Variants in EPYC observed in about 807,000 individuals in gnomAD.
EPYC encodes the protein epiphycan.
A neutral mutation model predicts 30.1 loss-of-function variants in EPYC; 28 were observed. That is an observed-to-expected ratio of 0.93 (90% CI 0.69 to 1.28). EPYC has a LOEUF of 1.28. Ranked by LOEUF, EPYC falls within the 50% of genes most tolerant of loss-of-function variation. The probability of loss-of-function intolerance (pLI) is 0.00; values close to 1 mark genes in which losing one functional copy is unlikely to be tolerated. For missense variants in EPYC, 382 were observed against 383.5 expected, an observed-to-expected ratio of 1.00 and a Z score of 0.03; for synonymous variants, 144 against 141.4, an observed-to-expected ratio of 1.02 and a Z score of -0.13.
chr12:90,978,021 T>C lies in EPYC; in HGVS notation c.340+67A>G, dbSNP rs937261090. On this transcript the variant is annotated intron_variant, in intron 3 of 6. Coordinates refer to ENST00000261172, the MANE Select transcript of EPYC (RefSeq NM_004950.5). The stretch of plus-strand genomic sequence containing the variant: ...CATGTCATGTGGTTTCCCTGTAGAG[T>C]TGAAGCTGTGCAGTTTTGAGGATGA... 12 of 1,408,770 alleles carry C rather than the reference T, an allele frequency of 8.5e-6. No individual in the cohort carries two copies. The Admixed American group carries it at 1.1e-4, about 13-fold the overall frequency. 87.3% of individuals were successfully genotyped at this position (1,408,770 alleles called of 1,614,324 possible).
intron 2 of EPYC, among the ~76,000 whole-genome samples, chr12:90,988,825 T>G (rs1398653223): frequency 1.3e-5 from 2 of 152,108 alleles, no homozygotes; most frequent in African/African-American, 2.4e-5. Flanking sequence ...CCAAGTTTCT[T>G]TCTTGCTAGG....
chr12:90,966,181 A>G (rs549940161), intron 6 of EPYC, among the ~76,000 whole-genome samples: 1 of 152,172 alleles, frequency 6.6e-6, no homozygotes, highest in South Asian at 2.1e-4. Context: ...AATACTGAAT[A>G]GAAGTGGTGA....
At chr12:90,982,282 C>A (rs1313828089) in intron 2 of EPYC, among the ~76,000 whole-genome samples, 1 of 151,334 alleles carries the variant, frequency 6.6e-6, no homozygotes, top group African/African-American at 2.4e-5. Flanking sequence ...CTTTTAAAAA[C>A]AGCTTTATGG....
intron 2 of EPYC, among the ~76,000 whole-genome samples, chr12:90,986,509 G>A (rs1877451286): frequency 6.6e-6 from 1 of 152,124 alleles, no homozygotes; most frequent in Non-Finnish European, 1.5e-5. Flanking sequence ...ACCAGAGGAA[G>A]CAGAATGGTA....
rs781447797 is a variant in EPYC, at chr12:90,972,827, C to T, written c.494G>A (p.Ser165Asn). 9.9e-6 allele frequency: 16 copies of T among 1,613,194 alleles called. No homozygotes were observed. In the South Asian group the frequency reaches 1.8e-4, roughly 18 times the overall value. Residue 165 changes from serine to asparagine, a missense_variant, in exon 4 of 7, where the codon AGC (serine) becomes AAC (asparagine). Ser to Asn is a conservative substitution (Grantham distance 46, BLOSUM62 1). Transcript: ENST00000261172. Reference protein sequence around the residue: ...IKKINKNDFASLSDLKRIDLT... With the variant: ...IKKINKNDFANLSDLKRIDLT... ...GTTAATGCTGTCATCCATACTTAGGCTTGCAAAGTCATTTTTGTTGATCTT... is the reference window on the plus strand; with the variant it reads ...GTTAATGCTGTCATCCATACTTAGGTTTGCAAAGTCATTTTTGTTGATCTT...
intron 3 of EPYC, among the ~76,000 whole-genome samples, chr12:90,976,259 A>G (rs1463151668): frequency 1.3e-5 from 2 of 152,120 alleles, no homozygotes; most frequent in Non-Finnish European, 2.9e-5. Context: ...ATATCATACT[A>G]TTCATAGTTA....
intron 2 of EPYC, among the ~76,000 whole-genome samples, chr12:90,979,798 T>C (rs573040828): frequency 3.3e-5 from 5 of 152,266 alleles, no homozygotes; most frequent in South Asian, 4.1e-4. Flanking sequence ...CAAGTACTTA[T>C]TGAAGTATAA....
chr12:90,986,433 C>T (rs1441870839), intron 2 of EPYC, among the ~76,000 whole-genome samples: 1 of 152,114 alleles, frequency 6.6e-6, no homozygotes, highest in African/African-American at 2.4e-5. Flanking sequence ...ATCTTAGACT[C>T]ATCAATGAAA....
intron 2 of EPYC, among the ~76,000 whole-genome samples, chr12:90,978,506 C>A (rs1239315050): frequency 6.8e-6 from 1 of 147,188 alleles, no homozygotes; most frequent in Non-Finnish European, 1.5e-5. Flanking sequence ...TTTTGGTCTT[C>A]TTGTTCTTTA....
At chr12:91,001,721 A>G (rs983140092) in intron 2 of EPYC, among the ~76,000 whole-genome samples, 6 of 151,992 alleles carry the variant, frequency 3.9e-5, no homozygotes, top group Admixed American at 2.6e-4. Context: ...GTTTATTTCA[A>G]TCTCACATCT....
chr12:90,966,600 T>G (rs1468527130), intron 6 of EPYC, among the ~76,000 whole-genome samples: 2 of 152,140 alleles, frequency 1.3e-5, no homozygotes, highest in Admixed American at 1.3e-4. Flanking sequence ...TTTCATTTTC[T>G]GGTGATATAT....
rs116702998 is a variant in EPYC at position 90,980,946 on chromosome 12, T to A, written c.166-2684A>T. On this transcript the variant is annotated intron_variant, in intron 2 of 6. Transcript: ENST00000261172. ...TTGATTTCAGTCAAAGTCACTGCAC[T>A]TGTGTGTCTTCTTAACATCGTACCA... is the stretch of plus-strand genomic sequence containing the variant. Among the ~76,000 whole-genome samples, 455 of 152,276 alleles carry A rather than the reference T, an allele frequency of 3.0e-3. 4 individuals are homozygous for A. Among genetic ancestry groups the A allele is most frequent in the African/African-American group, 0.011 (439 of 41,578 alleles).
intron 6 of EPYC, among the ~76,000 whole-genome samples, chr12:90,966,017 A>G (rs545887059): frequency 6.6e-6 from 1 of 152,182 alleles, no homozygotes; most frequent in Admixed American, 6.5e-5. Context: ...TATTAGTTCA[A>G]CTAGTTTTTA....
Position 90,978,266 on chromosome 12 carries a change from A to T in EPYC, c.166-4T>A. 6 of 48,868 alleles carry T rather than the reference A, an allele frequency of 1.2e-4. No individual in the cohort carries two copies. Among genetic ancestry groups the T allele is most frequent in the Non-Finnish European group, 1.6e-4 (6 of 36,838 alleles). The allele number at this position is 48,868 out of a possible 1,614,324, so 3.0% of individuals were successfully genotyped here. On this transcript the variant is annotated splice_region_variant and splice_polypyrimidine_tract_variant and intron_variant, in intron 2 of 6. Transcript: ENST00000261172. ...GCATCACTGTGGCTATTTCAATCTGAAAAAAAAAAAAAAAAGAGAATTTCT... is the reference window on the plus strand; with the variant it reads ...GCATCACTGTGGCTATTTCAATCTGTAAAAAAAAAAAAAAAGAGAATTTCT...
At chr12:90,969,795 G>A (rs533549292) in intron 6 of EPYC, among the ~76,000 whole-genome samples, 22 of 152,080 alleles carry the variant, frequency 1.4e-4, no homozygotes, top group Non-Finnish European at 2.8e-4. Flanking sequence ...CCAAAAGGAT[G>A]CATTTTGCCT....
intron 6 of EPYC, among the ~76,000 whole-genome samples, chr12:90,969,310 T>C (rs1228784694): frequency 6.6e-6 from 1 of 151,960 alleles, no homozygotes; most frequent in African/African-American, 2.4e-5. Flanking sequence ...GATTAGAGAA[T>C]GTTGATTATA....
rs760683969 is a variant in EPYC at position 90,970,190 on chromosome 12, A to G, written c.703-51T>C. On this transcript the variant is annotated intron_variant, in intron 5 of 6. Coordinates refer to ENST00000261172, the MANE Select transcript of EPYC (RefSeq NM_004950.5). ...TCAATAAAAACTCAATAAAAACTCA[A>G]TAAGAAATAAAAAACACAGCTGTAT... 3.5e-5 allele frequency: 46 copies of G among 1,318,586 alleles called. 1 individual carries two copies. In the South Asian group the frequency reaches 5.4e-4, roughly 15 times the overall value. The allele number at this position is 1,318,586 out of a possible 1,614,324, so 81.7% of individuals were successfully genotyped here.
At chr12:90,976,014 A>AGT (rs2120818316) in intron 3 of EPYC, among the ~76,000 whole-genome samples, 1 of 152,246 alleles carries the variant, frequency 6.6e-6, no homozygotes, top group East Asian at 1.9e-4. Context: ...ATCAGTGCCT[A>AGT]GTACATAGTG....
intron 2 of EPYC, among the ~76,000 whole-genome samples, chr12:90,985,585 G>A (rs916646946): frequency 2.0e-5 from 3 of 152,132 alleles, no homozygotes; most frequent in African/African-American, 7.2e-5. Context: ...TGGTTCAGAG[G>A]ACAGAAAATG....
Sources: gnomAD v4.1 joint callset for allele counts (sites outside exome capture counted in the v4.1 genomes callset) on GRCh38, gnomAD v4.1.1 for gene constraint, MANE v1.5 for transcripts, NCBI Gene and HGNC (gene_info 2026-07-23, HGNC 2026-07-21) for gene names.